Variants in NINL observed in about 807,000 individuals in gnomAD.
The protein encoded by NINL is ninein-like protein.
NINL carries 153 observed loss-of-function variants against 160.3 expected under a neutral mutation model. The ratio of observed to expected loss-of-function variants is 0.95; its 90% CI spans 0.84 to 1.09. The LOEUF (loss-of-function observed/expected upper bound fraction) is 1.09. NINL is among the 50% of genes least tolerant of loss of function. NINL has a pLI of 0.00. For synonymous variants in NINL, 800 were observed against 734.8 expected (o/e 1.09, Z -1.43); for missense variants, 1,829 against 1,764.0 (o/e 1.04, Z -0.66).
At chr20:25,458,607 A>G (rs2090755704) in intron 21 of NINL, 78 bp from the exon 22 acceptor site, 4 of 1,406,620 alleles carry the variant, frequency 2.8e-6, no homozygotes, top group South Asian at 2.9e-5. Context: ...ATCCAAGGAC[A>G]CCCCCACCTG....
chr20:25,470,092 C>CA lies in NINL; in HGVS notation c.3251dup (p.Glu1085GlyfsTer4). 6.2e-7 allele frequency: 1 copy of CA among 1,613,566 alleles called. No individual in the cohort carries two copies. The highest frequency in any genetic ancestry group is 2.2e-5 in the East Asian group (1 of 44,874). On this transcript the variant is annotated frameshift_variant, in exon 18 of 24. Transcript: ENST00000278886. LOFTEE classifies it high-confidence loss of function. ...TTTCTTCAGAAAGTCTATGGAACTC[C>CA]AGTCTGCGTAAAAATTGAGAAAAGA... is the stretch of plus-strand genomic sequence containing the variant.
Position 25,476,807 on chromosome 20 carries a change from G to A in NINL, c.2484C>T (p.Ala828=). 5.0e-6 allele frequency: 8 copies of A among 1,613,020 alleles called. No homozygotes were observed. The highest frequency in any genetic ancestry group is 6.8e-6 in the Non-Finnish European group (8 of 1,179,928). The change falls in exon 17 of 24, where the codon GCC becomes GCT. Residue 828 remains alanine, a synonymous_variant. Coordinates refer to ENST00000278886, the MANE Select transcript of NINL (RefSeq NM_025176.6). ...CTGCCACCAGCCCATCTTTCGGCAGGGCCTGCATCTCTGCTTCCAGGGAGG... is the reference window on the plus strand; with the variant it reads ...CTGCCACCAGCCCATCTTTCGGCAGAGCCTGCATCTCTGCTTCCAGGGAGG... ...DGPSLEAEMQ[A]LPKDGLVAGS... is the part of the protein sequence containing the mutation.
At chr20:25,460,511 G>T (rs1295156200) in intron 21 of NINL, among the ~76,000 whole-genome samples, 3 of 152,156 alleles carry the variant, frequency 2.0e-5, no homozygotes, top group Non-Finnish European at 2.9e-5. Flanking sequence ...GGCCTTTTCA[G>T]GTGGCCTTAC....
intron 16 of NINL, among the ~76,000 whole-genome samples, chr20:25,478,065 C>T (rs909704233): frequency 2.0e-5 from 3 of 151,862 alleles, no homozygotes; most frequent in Non-Finnish European, 4.4e-5. Context: ...TCTCCTGCCT[C>T]AGCTTCCCGA....
chr20:25,552,681 C>A (rs2064819549), intron 1 of NINL, among the ~76,000 whole-genome samples: 1 of 152,180 alleles, frequency 6.6e-6, no homozygotes, highest in Non-Finnish European at 1.5e-5. Flanking sequence ...CTAGACACAC[C>A]CCCCTGCAAG....
chr20:25,504,946 C>T lies in NINL; in HGVS notation c.650G>A (p.Ser217Asn), dbSNP rs745806199. The part of the protein sequence containing the change: ...ELGVGSSGHL[S>N]EQELAVVCQS... ...GCAGACCACAGCCAGCTCCTGCTCG[C>T]TCAGGTGTCCGCTGCTGCCCACCCC... is the stretch of plus-strand genomic sequence containing the variant. Residue 217 changes from serine (S) to asparagine (N), a missense_variant, in exon 6 of 24, where the codon AGC becomes AAC. By Grantham distance (46) the Ser-to-Asn change is conservative. Transcript: ENST00000278886. The T allele has an allele frequency of 1.2e-6, 2 of 1,612,900 alleles. No individual in the cohort carries two copies. The highest frequency in any genetic ancestry group is 2.2e-5 in the South Asian group (2 of 91,030).
At chr20:25,456,857 A>C (rs973090031) in intron 22 of NINL, among the ~76,000 whole-genome samples, 4 of 152,048 alleles carry the variant, frequency 2.6e-5, no homozygotes, top group Admixed American at 6.5e-5. Flanking sequence ...GCTTGAACCC[A>C]GGAGGTGGAG....
At chr20:25,459,391 C>G (rs1396651327) in intron 21 of NINL, among the ~76,000 whole-genome samples, 2 of 152,210 alleles carry the variant, frequency 1.3e-5, no homozygotes, top group Admixed American at 6.5e-5. Flanking sequence ...AAAGCTCACC[C>G]TTCTTCAGGA....
At chr20:25,567,779 T>A (rs1471321077) in intron 1 of NINL, among the ~76,000 whole-genome samples, 1 of 152,078 alleles carries the variant, frequency 6.6e-6, no homozygotes, top group Non-Finnish European at 1.5e-5. Flanking sequence ...AATAGAAAGA[T>A]GCAACCGAAA....
intron 1 of NINL, among the ~76,000 whole-genome samples, chr20:25,576,112 CTT>C (rs1210500015): frequency 6.6e-6 from 1 of 152,240 alleles, no homozygotes; most frequent in Non-Finnish European, 1.5e-5. Context: ...TTACAGCTAT[CTT>C]TTTCACCCCA....
chr20:25,532,146 C>T (rs1481045155), intron 1 of NINL, among the ~76,000 whole-genome samples: 3 of 152,216 alleles, frequency 2.0e-5, no homozygotes, highest in Non-Finnish European at 4.4e-5. Flanking sequence ...GCTGGGACTG[C>T]AGGGGCAGCA....
At chr20:25,472,325 ATATATATATATAT>A (rs2063116907) in intron 17 of NINL, among the ~76,000 whole-genome samples, 3 of 4,730 alleles carry the variant, frequency 6.3e-4, no homozygotes, top group African/African-American at 2.6e-3. Flanking sequence ...GGAGGAGAGG[ATATATATATATAT>A]ATATATATAT....
Position 25,575,189 on chromosome 20 carries a change from C to T in NINL, c.-12+10266G>A, listed in dbSNP as rs112804162. On this transcript the variant is annotated intron_variant, in intron 1 of 23. Transcript: ENST00000278886. ...ATAGGCCAGGTGCGGTGGCTCACAC[C>T]TGTAATCCCAGCACTTTGGGAGGCC... Among the ~76,000 whole-genome samples, 988 of 152,162 alleles carry T rather than the reference C, an allele frequency of 6.5e-3. 16 individuals are homozygous for T. The highest frequency in any genetic ancestry group is 0.023 in the African/African-American group (948 of 41,516).
At chr20:25,571,161 C>T (rs1019439085) in intron 1 of NINL, among the ~76,000 whole-genome samples, 2 of 152,172 alleles carry the variant, frequency 1.3e-5, no homozygotes, top group Non-Finnish European at 2.9e-5. Context: ...GTCTTTACTC[C>T]TGTAAGAACC....
chr20:25,511,053 C>T (rs1003384419), intron 4 of NINL, among the ~76,000 whole-genome samples: 2 of 152,186 alleles, frequency 1.3e-5, no homozygotes, highest in South Asian at 2.1e-4. Flanking sequence ...ATCAAACACT[C>T]GTGTCATAGC....
chr20:25,541,783 CAG>C (rs2064666850), intron 1 of NINL, among the ~76,000 whole-genome samples: 1 of 152,098 alleles, frequency 6.6e-6, no homozygotes. Flanking sequence ...TAGCCAATAA[CAG>C]AAATAGAAGA....
intron 5 of NINL, among the ~76,000 whole-genome samples, chr20:25,507,805 A>G (rs2063991455): frequency 6.6e-6 from 1 of 152,238 alleles, no homozygotes; most frequent in African/African-American, 2.4e-5. Flanking sequence ...TTCCGGCCTA[A>G]GATGCCTGAA....
At chr20:25,528,403 G>A (rs1003969594) in intron 1 of NINL, among the ~76,000 whole-genome samples, 1 of 151,964 alleles carries the variant, frequency 6.6e-6, no homozygotes, top group African/African-American at 2.4e-5. Flanking sequence ...TATAATAATA[G>A]TAATAACTAA....
At chr20:25,552,666 C>T (rs893095411) in intron 1 of NINL, among the ~76,000 whole-genome samples, 2 of 152,186 alleles carry the variant, frequency 1.3e-5, no homozygotes, top group Non-Finnish European at 2.9e-5. Context: ...TCAACTCAGT[C>T]AGGTCTAGAC....
Sources: allele counts gnomAD v4.1 joint callset (sites outside exome capture counted in the v4.1 genomes callset), GRCh38; gene constraint gnomAD v4.1.1; transcripts MANE v1.5; gene names NCBI Gene and HGNC (gene_info 2026-07-23, HGNC 2026-07-21).